Variants in ZKSCAN1 observed in about 807,000 individuals in gnomAD.
The protein encoded by ZKSCAN1 is zinc finger with KRAB and SCAN domains 1.
ZKSCAN1 carries 14 observed loss-of-function variants against 51.6 expected under a neutral mutation model. That is an observed-to-expected ratio of 0.27 (90% confidence interval 0.18 to 0.42). ZKSCAN1 has a LOEUF of 0.42. Ranked by LOEUF, ZKSCAN1 falls within the 10% of genes least tolerant of loss-of-function variation. The pLI, the probability that ZKSCAN1 is intolerant of heterozygous loss-of-function variation, is 1.00. For missense variants in ZKSCAN1, 531 were observed against 710.0 expected, an observed-to-expected ratio of 0.75 and a Z score of 2.86; for synonymous variants, 263 against 261.5, an observed-to-expected ratio of 1.01 and a Z score of -0.06.
intron 3 of ZKSCAN1, among the ~76,000 whole-genome samples, chr7:100,029,632 G>T (rs1264176014): frequency 6.6e-6 from 1 of 152,152 alleles, no homozygotes; most frequent in African/African-American, 2.4e-5. Context: ...TAAAATAAAA[G>T]GGTTGGACCA....
At chr7:100,043,236 T>G (rs1390890876), downstream of ZKSCAN1, among the ~76,000 whole-genome samples, 1 of 152,058 alleles carries the variant, frequency 6.6e-6, no homozygotes, top group Non-Finnish European at 1.5e-5. Context: ...TTAATAATTA[T>G]TTTTTCTTTT....
In ZKSCAN1 at chr7:100,036,759, G is replaced by T; in HGVS notation, c.*2562G>T. ...GAAAGAAACTGAAAAGTGAGGTGTG[G>T]AACTCCAGGCAACGACCCAAGCACT... On this transcript the variant is annotated 3_prime_UTR_variant, in exon 6 of 6. Transcript: ENST00000324306. 1.0e-6 allele frequency: 1 copy of T among 983,326 alleles called. No individual in the cohort carries two copies. Among genetic ancestry groups the T allele is most frequent in the African/African-American group, 1.8e-5 (1 of 56,924 alleles). The allele number at this position is 983,326 out of a possible 1,614,324, so 60.9% of individuals were successfully genotyped here.
At chr7:100,020,123 TGTTATA>T (rs1790534122) in intron 1 of ZKSCAN1, among the ~76,000 whole-genome samples, 1 of 152,208 alleles carries the variant, frequency 6.6e-6, no homozygotes, top group Non-Finnish European at 1.5e-5. Flanking sequence ...TGGCTCTTAC[TGTTATA>T]GTTATGAGAG....
rs572106439 is a variant in ZKSCAN1, at chr7:100,022,769, G to A, written c.-88-650G>A. 1.0e-3 allele frequency among the ~76,000 whole-genome samples: 159 copies of A among 152,256 alleles called. 4 individuals are homozygous for A. The highest frequency in any genetic ancestry group is 9.7e-3 in the Admixed American group (148 of 15,274). ...GCCGACCTGCTAGGGCTGTTGTAGG[G>A]ACAAAAGAAGATGGTGCGTGTACTG... On this transcript the variant is annotated intron_variant, in intron 1 of 5. Coordinates refer to ENST00000324306, the MANE Select transcript of ZKSCAN1 (RefSeq NM_003439.4).
At chr7:100,028,181 C>T (rs550257782) in intron 3 of ZKSCAN1, among the ~76,000 whole-genome samples, 6 of 151,976 alleles carry the variant, frequency 3.9e-5, no homozygotes, top group Admixed American at 1.3e-4. Context: ...GGTGAAACCC[C>T]GTCTCTACTA....
chr7:100,041,469 G>A lies in ZKSCAN1; in HGVS notation c.*7272G>A. ...ACTAAAAGTAACCATTGGAAACCTCGAATGAGGGCTAAAGTTTTAATCATA... is the reference window on the plus strand; with the variant it reads ...ACTAAAAGTAACCATTGGAAACCTCAAATGAGGGCTAAAGTTTTAATCATA... On this transcript the variant is annotated 3_prime_UTR_variant, in exon 6 of 6. Transcript: ENST00000324306. The A allele has an allele frequency of 1.0e-6, 1 of 985,374 alleles. No homozygotes were observed. The highest frequency in any genetic ancestry group is 1.2e-6 in the Non-Finnish European group (1 of 829,930). The allele number at this position is 985,374 out of a possible 1,614,324, so 61.0% of individuals were successfully genotyped here. A position where few individuals can be genotyped will look rare whatever the true frequency, so the allele number is the denominator to read the frequency against.
At chr7:100,016,626 C>T (rs945661892) in intron 1 of ZKSCAN1, among the ~76,000 whole-genome samples, 1 of 152,176 alleles carries the variant, frequency 6.6e-6, no homozygotes, top group Admixed American at 6.6e-5. Flanking sequence ...GAAGAATTAA[C>T]TACAGTTTAG....
chr7:100,034,457 G>A lies in ZKSCAN1; in HGVS notation c.*260G>A, dbSNP rs984479330. The A allele has an allele frequency of 5.8e-6, 7 of 1,197,956 alleles. No homozygotes were observed. The African/African-American group carries it at 6.2e-5, about 11-fold the overall frequency. The allele number at this position is 1,197,956 out of a possible 1,614,324, so 74.2% of individuals were successfully genotyped here. ...ATTTCCACACAAGAGAAAAGCACAC[G>A]CATAGTGAAATGTCAGTCTTTTCAG... On this transcript the variant is annotated 3_prime_UTR_variant, in exon 6 of 6. Coordinates refer to ENST00000324306, the MANE Select transcript of ZKSCAN1 (RefSeq NM_003439.4).
At position 100,034,521 on chromosome 7, in the gene ZKSCAN1, A is replaced by G; in HGVS notation, c.*324A>G. On this transcript the variant is annotated 3_prime_UTR_variant, in exon 6 of 6. Transcript: ENST00000324306. ...TTTAAGGCACTCTTGGACTCTCGGC[A>G]ACCACAACATAATAGTTGAAAGATC... 9.5e-7 allele frequency: 1 copy of G among 1,047,370 alleles called. No homozygotes were observed. The highest frequency in any genetic ancestry group is 1.2e-6 in the Non-Finnish European group (1 of 869,526). The allele number at this position is 1,047,370 out of a possible 1,614,324, so 64.9% of individuals were successfully genotyped here.
chr7:100,034,186 AGTT>A lies in ZKSCAN1; in HGVS notation c.1684_1686del (p.Cys562del). ...TGATGCATTTGGCGCGTTCCTGAAA[AGTT>A]GTGTGTAAAGGAAGAATTTGCCATC... On this transcript the variant is annotated inframe_deletion, in exon 6 of 6. Coordinates refer to ENST00000324306, the MANE Select transcript of ZKSCAN1 (RefSeq NM_003439.4). 6.6e-7 allele frequency: 1 copy of A among 1,505,588 alleles called. No individual in the cohort carries two copies. Among genetic ancestry groups the A allele is most frequent in the South Asian group, 1.3e-5 (1 of 75,302 alleles). The allele number at this position is 1,505,588 out of a possible 1,614,324, so 93.3% of individuals were successfully genotyped here. A position where few individuals can be genotyped will look rare whatever the true frequency, so the allele number is the denominator to read the frequency against.
chr7:100,044,985 C>T (rs1270815993), downstream of ZKSCAN1: 2 of 985,140 alleles, frequency 2.0e-6, no homozygotes, highest in African/African-American at 1.7e-5. Flanking sequence ...CAGAAATGCA[C>T]CTTTTTAGAG....
At position 100,023,770 on chromosome 7, in the gene ZKSCAN1, A is replaced by C; in HGVS notation, c.264A>C (p.Glu88Asp). The C allele has an allele frequency of 6.2e-7, 1 of 1,614,214 alleles. No homozygotes were observed. The highest frequency in any genetic ancestry group is 2.2e-5 in the East Asian group (1 of 44,880). The change falls in exon 2 of 6, where the codon GAA becomes GAC. Residue 88 changes from glutamate to aspartate, a missense_variant. Glu to Asp is a conservative substitution (Grantham distance 45). This residue lies in a region of ZKSCAN1 where 403 missense variants were observed against 490.5 expected (regional missense o/e 0.82). Coordinates refer to ENST00000324306, the MANE Select transcript of ZKSCAN1 (RefSeq NM_003439.4). ...TTTGTCATCAGTGGCTGCGGCCAGA[A>C]ATAAACACCAAGGAACAGATCCTGG... ...KELCHQWLRPEINTKEQILEL... is the reference protein window; with the variant it reads ...KELCHQWLRPDINTKEQILEL...
In ZKSCAN1 at chr7:100,039,788, G is replaced by A. The variant is rs1791517549; in HGVS notation, c.*5591G>A. The A allele has an allele frequency of 1.0e-6, 1 of 985,466 alleles. No homozygotes were observed. The highest frequency in any genetic ancestry group is 1.7e-5 in the African/African-American group (1 of 57,370). 61.0% of individuals were successfully genotyped at this position (985,466 alleles called of 1,614,324 possible). On this transcript the variant is annotated 3_prime_UTR_variant, in exon 6 of 6. Coordinates refer to ENST00000324306, the MANE Select transcript of ZKSCAN1 (RefSeq NM_003439.4). ...TCTGAGCAACTTCTCAGAGATACGA[G>A]GGGGCTAGGGTTTTCCCATCTGGGA...
downstream of ZKSCAN1, among the ~76,000 whole-genome samples, chr7:100,045,188 C>T (rs1477231548): frequency 6.6e-6 from 1 of 152,026 alleles, no homozygotes; most frequent in African/African-American, 2.4e-5. Flanking sequence ...AGGAGGATTG[C>T]TTGAGCACAG....
intron 3 of ZKSCAN1, among the ~76,000 whole-genome samples, chr7:100,025,213 G>T (rs999770399): frequency 6.7e-6 from 1 of 149,446 alleles, no homozygotes; most frequent in Non-Finnish European, 1.5e-5. Flanking sequence ...AGTATGTCAT[G>T]AATTATCTTC....
At position 100,035,162 on chromosome 7, in the gene ZKSCAN1, C is replaced by T. The variant is rs528408364; in HGVS notation, c.*965C>T. 1 of 152,664 alleles carries T rather than the reference C, an allele frequency of 6.6e-6. No individual in the cohort carries two copies. Among genetic ancestry groups the T allele is most frequent in the East Asian group, 1.9e-4 (1 of 5,194 alleles). The allele number at this position is 152,664 out of a possible 1,614,324, so 9.5% of individuals were successfully genotyped here. ...ATTCAGACTGACTTCTACAGGACTTCTACGTGTGTGATAAAAGCCTGTGAA... is the reference window on the plus strand; with the variant it reads ...ATTCAGACTGACTTCTACAGGACTTTTACGTGTGTGATAAAAGCCTGTGAA... On this transcript the variant is annotated 3_prime_UTR_variant, in exon 6 of 6. Transcript: ENST00000324306.
chr7:100,030,111 C>A, intron 4 of ZKSCAN1, 138 bp from the exon 5 acceptor site: 2 of 1,429,366 alleles, frequency 1.4e-6, no homozygotes, highest in Non-Finnish European at 1.9e-6. Flanking sequence ...AACTCCCCTC[C>A]ACCCCCAGGT....
chr7:100,023,462 G>C lies in ZKSCAN1; in HGVS notation c.-45G>C. 1 of 1,558,774 alleles carries C rather than the reference G, an allele frequency of 6.4e-7. No individual in the cohort carries two copies. On this transcript the variant is annotated 5_prime_UTR_variant, in exon 2 of 6. Transcript: ENST00000324306. Reference sequence around the variant, plus strand: ...TCATAAAACCTCCCAGGACATAAAGGTGAGCACAGACCCTGTTTGGATCAA... The same window carrying C: ...TCATAAAACCTCCCAGGACATAAAGCTGAGCACAGACCCTGTTTGGATCAA...
Position 100,037,277 on chromosome 7 carries a change from A to T in ZKSCAN1, c.*3080A>T. ...GTTGTCCTAATGGAAATTTTTGAAGAGTTTTTCAATATATACCCTACCCTT... is the reference window on the plus strand; with the variant it reads ...GTTGTCCTAATGGAAATTTTTGAAGTGTTTTTCAATATATACCCTACCCTT... On this transcript the variant is annotated 3_prime_UTR_variant, in exon 6 of 6. Transcript: ENST00000324306. 1.0e-6 allele frequency: 1 copy of T among 985,424 alleles called. No homozygotes were observed. The highest frequency in any genetic ancestry group is 1.2e-6 in the Non-Finnish European group (1 of 829,934). The allele number at this position is 985,424 out of a possible 1,614,324, so 61.0% of individuals were successfully genotyped here.
Sources: allele counts gnomAD v4.1 joint callset (sites outside exome capture counted in the v4.1 genomes callset), GRCh38; gene constraint gnomAD v4.1.1; regional missense constraint gnomAD v4.1.1; transcripts MANE v1.5; gene names NCBI Gene and HGNC (gene_info 2026-07-23, HGNC 2026-07-21).